The following DAAM2 variants were observed in gnomAD, a reference collection of about 807,000 sequenced individuals.
DAAM2 encodes dishevelled associated activator of morphogenesis 2, also known as disheveled-associated activator of morphogenesis 2.
In DAAM2, 39 loss-of-function variants were observed where a neutral mutation model predicts 120.7. The ratio of observed to expected loss-of-function variants is 0.32; its 90% confidence interval spans 0.25 to 0.42. The LOEUF is 0.42. Among genes scored for constraint, DAAM2 ranks in the 10% least tolerant of loss-of-function variants. The pLI is 1.00. For synonymous variants in DAAM2, 488 were observed against 524.9 expected, an observed-to-expected ratio of 0.93 and a Z score of 0.96; for missense variants, 1,283 against 1,401.7, an observed-to-expected ratio of 0.92 and a Z score of 1.35.
At chr6:39,892,766 C>G (rs980956683) in intron 19 of DAAM2, among the ~76,000 whole-genome samples, 2 of 152,124 alleles carry the variant, frequency 1.3e-5, no homozygotes, top group Admixed American at 6.5e-5. Flanking sequence ...AGAGAGCAAC[C>G]CTTCCTGAAA....
chr6:39,892,108 C>T (rs80337962), intron 19 of DAAM2, among the ~76,000 whole-genome samples: 1,743 of 152,288 alleles, frequency 0.011, 18 homozygotes, highest in East Asian at 0.041. Context: ...TAGAAGACTT[C>T]TGGGCACGTT....
chr6:39,904,161 T>C lies in DAAM2; in HGVS notation c.*2124T>C, dbSNP rs1766648041. 1 of 456,442 alleles carries C rather than the reference T, an allele frequency of 2.2e-6. No homozygotes were observed. 28.3% of individuals were successfully genotyped at this position (456,442 alleles called of 1,614,324 possible). ...TACGCACCTGGAAACAAAAGGACTA[T>C]GGAAGCTGTTCAAGATACATTTGAT... is the stretch of plus-strand genomic sequence containing the variant. On this transcript the variant is annotated 3_prime_UTR_variant, in exon 25 of 25. Transcript: ENST00000274867.
At chr6:39,794,906 C>T (rs919780084) in intron 1 of DAAM2, among the ~76,000 whole-genome samples, 6 of 152,142 alleles carry the variant, frequency 3.9e-5, no homozygotes, top group Non-Finnish European at 5.9e-5. Context: ...AGGGACCCCT[C>T]GGAACAGGAT....
Position 39,870,298 on chromosome 6 carries a change from G to A in DAAM2, c.874-42G>A. On this transcript the variant is annotated intron_variant, in intron 7 of 24. Transcript: ENST00000274867. ...CTCCACTGGGGATGTTGTGGAAACT[G>A]AGATCTGCCAATGAGTCTGGCCCTC... The A allele has an allele frequency of 3.1e-6, 4 of 1,287,824 alleles. No homozygotes were observed. The South Asian group carries it at 5.1e-5, about 16-fold the overall frequency. The allele number at this position is 1,287,824 out of a possible 1,614,324, so 79.8% of individuals were successfully genotyped here. A position where few individuals can be genotyped will look rare whatever the true frequency, so the allele number is the denominator to read the frequency against.
At chr6:39,812,244 C>G (rs906106040) in intron 1 of DAAM2, among the ~76,000 whole-genome samples, 1 of 152,168 alleles carries the variant, frequency 6.6e-6, no homozygotes, top group Non-Finnish European at 1.5e-5. Context: ...TTCAAATTCT[C>G]TAAATAATAC....
intron 6 of DAAM2, 106 bp from the exon 7 acceptor site, chr6:39,868,717 A>C (rs1764527216): frequency 2.6e-6 from 2 of 773,508 alleles, no homozygotes; most frequent in East Asian, 5.4e-5. Flanking sequence ...TGGAGAGAGC[A>C]GATGGGGCAT....
rs1204149448 is a variant in DAAM2, at chr6:39,841,255, A to G, written c.-56-14992A>G. On this transcript the variant is annotated intron_variant, in intron 1 of 24. Coordinates refer to ENST00000274867, the MANE Select transcript of DAAM2 (RefSeq NM_001201427.2). ...GGTTCCAGGGGGAGGGGCGCTGGGAAGAGGGGCTCCGGGGGGAGGGGTTCC... is the reference window on the plus strand; with the variant it reads ...GGTTCCAGGGGGAGGGGCGCTGGGAGGAGGGGCTCCGGGGGGAGGGGTTCC... 2.6e-4 allele frequency among the ~76,000 whole-genome samples: 15 copies of G among 58,740 alleles called. 1 individual carries two copies. The highest frequency in any genetic ancestry group is 1.4e-3 in the African/African-American group (14 of 9,910). 38.5% of individuals were successfully genotyped at this position (58,740 alleles called of 152,430 possible).
intron 1 of DAAM2, among the ~76,000 whole-genome samples, chr6:39,813,102 C>A (rs117256513): frequency 1.3e-5 from 2 of 151,938 alleles, no homozygotes; most frequent in Non-Finnish European, 2.9e-5. Context: ...GGGCACTAAC[C>A]GGATGACATT....
intron 1 of DAAM2, among the ~76,000 whole-genome samples, chr6:39,793,915 A>G (rs1761623405): frequency 6.6e-6 from 1 of 152,156 alleles, no homozygotes; most frequent in African/African-American, 2.4e-5. Context: ...TCTGGGTGGG[A>G]GGAAGATTAC....
Position 39,811,805 on chromosome 6 carries a change from C to T in DAAM2, c.-57+19340C>T, listed in dbSNP as rs564465146. ...TCTGAGAAGGGTGGCAGGAACTCAG[C>T]CCCTGGCTTTCTCCAGGATGGCTTG... On this transcript the variant is annotated intron_variant, in intron 1 of 24. Transcript: ENST00000274867. 2.0e-3 allele frequency among the ~76,000 whole-genome samples: 304 copies of T among 152,212 alleles called. 2 individuals carry two copies. The highest frequency in any genetic ancestry group is 6.6e-3 in the African/African-American group (276 of 41,528).
chr6:39,887,323 A>G (rs1469915632), intron 15 of DAAM2, 163 bp from the exon 16 acceptor site: 1 of 566,716 alleles, frequency 1.8e-6, no homozygotes, highest in African/African-American at 1.9e-5. Flanking sequence ...CCGTCTCTTA[A>G]AGTTAGCTAT....
chr6:39,798,580 G>A (rs909047611), intron 1 of DAAM2, among the ~76,000 whole-genome samples: 1 of 152,220 alleles, frequency 6.6e-6, no homozygotes. Context: ...GCCCCAGGAA[G>A]TGTGAGTGAG....
chr6:39,822,794 G>C (rs1306156298), intron 1 of DAAM2: 1 of 152,286 alleles, frequency 6.6e-6, no homozygotes, highest in South Asian at 2.1e-4. Flanking sequence ...CTGGCCTACT[G>C]TGTGACAGCC....
intron 19 of DAAM2, among the ~76,000 whole-genome samples, chr6:39,895,456 G>A (rs7771321): frequency 9.9e-5 from 15 of 151,776 alleles, no homozygotes; most frequent in Non-Finnish European, 1.6e-4. Flanking sequence ...GGTTGTTCTC[G>A]AATGCCTGAC....
intron 1 of DAAM2, among the ~76,000 whole-genome samples, chr6:39,811,893 C>T (rs973231427): frequency 5.3e-5 from 8 of 152,114 alleles, no homozygotes; most frequent in Non-Finnish European, 8.8e-5. Context: ...ACTGAGAAGC[C>T]AGTCCCCTTC....
intron 1 of DAAM2, among the ~76,000 whole-genome samples, chr6:39,796,983 T>A (rs1167659702): frequency 6.6e-6 from 1 of 152,266 alleles, no homozygotes; most frequent in African/African-American, 2.4e-5. Flanking sequence ...TTTAGACATT[T>A]GTCCACAGGT....
In DAAM2 at chr6:39,802,110, A is replaced by G. The variant is rs1761881491; in HGVS notation, c.-57+9645A>G. ...GCATTGCACTAGCAGCTGCCCAGAG[A>G]TAGTTAGGAACTGCTCGGCCCTTCC... On this transcript the variant is annotated intron_variant, in intron 1 of 24. Coordinates refer to ENST00000274867, the MANE Select transcript of DAAM2 (RefSeq NM_001201427.2). Among the ~76,000 whole-genome samples the G allele has an allele frequency of 2.0e-5, 3 of 152,232 alleles. No individual in the cohort carries two copies. In the South Asian group the frequency reaches 6.2e-4, roughly 32 times the overall value.
intron 1 of DAAM2, among the ~76,000 whole-genome samples, chr6:39,831,173 G>T (rs966263158): frequency 4.6e-5 from 7 of 152,126 alleles, no homozygotes; most frequent in Admixed American, 2.6e-4. Flanking sequence ...AGCAATGAAT[G>T]ATAGACAAAA....
Position 39,897,203 on chromosome 6 carries a change from A to C in DAAM2, c.2539A>C (p.Met847Leu), listed in dbSNP as rs1368338346. 2 of 1,613,498 alleles carry C rather than the reference A, an allele frequency of 1.2e-6. No individual in the cohort carries two copies. Among genetic ancestry groups the C allele is most frequent in the African/African-American group, 2.7e-5 (2 of 74,878 alleles). ...CATCTCTCTGCTCCATTACCTGATC[A>C]TGATCCTGGAGAAGCATTTTCCTGA... is the stretch of plus-strand genomic sequence containing the variant. ...RNISLLHYLIMILEKHFPDIL... is the reference protein window; with the variant it reads ...RNISLLHYLILILEKHFPDIL... Residue 847 changes from methionine to leucine, a missense_variant, in exon 21 of 25, where the codon ATG (methionine) becomes CTG (leucine). Met to Leu is a conservative substitution (Grantham distance 15). This residue lies in a region of DAAM2 where 748 missense variants were observed against 768.6 expected (regional missense o/e 0.97). Coordinates refer to ENST00000274867, the MANE Select transcript of DAAM2 (RefSeq NM_001201427.2).
Sources: allele counts gnomAD v4.1 joint callset (sites outside exome capture counted in the v4.1 genomes callset), GRCh38; gene constraint gnomAD v4.1.1; regional missense constraint gnomAD v4.1.1; transcripts MANE v1.5; gene names NCBI Gene and HGNC (gene_info 2026-07-23, HGNC 2026-07-21).